The following KALRN variants were observed in gnomAD, a reference collection of about 807,000 sequenced individuals.
KALRN encodes kalirin.
In KALRN, 70 loss-of-function variants were observed where a neutral mutation model predicts 353.7. The ratio of observed to expected loss-of-function variants is 0.20; its 90% CI spans 0.16 to 0.24. The LOEUF is 0.24. Ranked by LOEUF, KALRN falls within the 10% of genes least tolerant of loss-of-function variation. The pLI is 1.00. For missense variants in KALRN, 2,791 were observed against 3,756.7 expected (o/e 0.74, Z 6.72); for synonymous variants, 1,391 against 1,434.8 (o/e 0.97, Z 0.69).
At chr3:124,104,151 G>C (rs759497949) in intron 1 of KALRN, among the ~76,000 whole-genome samples, 1 of 152,150 alleles carries the variant, frequency 6.6e-6, no homozygotes, top group Non-Finnish European at 1.5e-5. Context: ...ACTCTTTCAT[G>C]TTAAGTTGCT....
At chr3:124,520,855 A>T (rs1206248448) in intron 33 of KALRN, among the ~76,000 whole-genome samples, 1 of 152,220 alleles carries the variant, frequency 6.6e-6, no homozygotes, top group African/African-American at 2.4e-5. Context: ...AGAGGCAGGT[A>T]GTACTTTGTT....
chr3:124,381,709 T>A (rs969642543), intron 10 of KALRN, among the ~76,000 whole-genome samples: 1 of 152,180 alleles, frequency 6.6e-6, no homozygotes, highest in African/African-American at 2.4e-5. Flanking sequence ...GGCCTACTCA[T>A]TTGTGTCTTG....
chr3:124,696,201 A>G lies in KALRN; in HGVS notation c.7645A>G (p.Ile2549Val). Residue 2549 changes from isoleucine (I) to valine (V), a missense_variant, in exon 54 of 60, where the codon ATA (isoleucine) becomes GTA (valine). Around this residue, in one of 11 missense-constraint regions of KALRN, gnomAD observed 1,065 missense variants for 1,156.4 expected, o/e 0.92. Transcript: ENST00000682506. ...MPQDSGIYTC[I>V]ATNDHGTTST... Reference sequence around the variant, plus strand: ...CCAAGACAGTGGGATTTATACCTGCATAGCAACAAATGACCACGGGACCAC... The same window carrying G: ...CCAAGACAGTGGGATTTATACCTGCGTAGCAACAAATGACCACGGGACCAC... 1 of 1,614,036 alleles carries G rather than the reference A, an allele frequency of 6.2e-7. No individual in the cohort carries two copies.
chr3:124,586,522 T>C (rs1323834500), intron 34 of KALRN, among the ~76,000 whole-genome samples: 10 of 152,194 alleles, frequency 6.6e-5, no homozygotes. Flanking sequence ...CTCGCTGTGA[T>C]GCAGGGGAGG....
chr3:124,273,070 C>T (rs190291799), intron 5 of KALRN, among the ~76,000 whole-genome samples: 7 of 152,316 alleles, frequency 4.6e-5, no homozygotes, highest in East Asian at 1.9e-4. Flanking sequence ...AAGAGGTGGG[C>T]GCAGTCTCGC....
intron 3 of KALRN, among the ~76,000 whole-genome samples, chr3:124,259,856 G>C (rs190430574): frequency 6.6e-6 from 1 of 152,254 alleles, no homozygotes; most frequent in East Asian, 1.9e-4. Context: ...GGTTTAAATA[G>C]GGTTGTCCAT....
At chr3:124,198,009 G>GT (rs1199510763) in intron 1 of KALRN, among the ~76,000 whole-genome samples, 1 of 152,136 alleles carries the variant, frequency 6.6e-6, no homozygotes, top group African/African-American at 2.4e-5. Context: ...TCCAGGCACT[G>GT]TATGATTTTT....
At chr3:124,643,133 G>A (rs1410880855) in intron 37 of KALRN, among the ~76,000 whole-genome samples, 1 of 151,954 alleles carries the variant, frequency 6.6e-6, no homozygotes, top group Non-Finnish European at 1.5e-5. Flanking sequence ...TGAGGTTCTT[G>A]TAAGAAGGTA....
intron 19 of KALRN, among the ~76,000 whole-genome samples, chr3:124,444,924 A>G (rs796178232): frequency 1.3e-5 from 2 of 152,330 alleles, no homozygotes; most frequent in South Asian, 4.1e-4. Context: ...GGAGGTGAGA[A>G]TGAAGGAGTA....
chr3:124,071,003 G>A (rs1426351801), intron 1 of KALRN, among the ~76,000 whole-genome samples: 2 of 145,794 alleles, frequency 1.4e-5, no homozygotes, highest in African/African-American at 5.0e-5. Context: ...TTTTTTTTTT[G>A]TGTGTGTGCT....
At chr3:124,305,198 CT>C (rs1375043088) in intron 6 of KALRN, among the ~76,000 whole-genome samples, 1 of 152,194 alleles carries the variant, frequency 6.6e-6, no homozygotes, top group East Asian at 1.9e-4. Flanking sequence ...CCCAAAGGAA[CT>C]GATTTCATGT....
In KALRN at chr3:124,708,027, A is replaced by C. The variant is rs1461939130; in HGVS notation, c.8076-4908A>C. Among the ~76,000 whole-genome samples, 3 of 152,370 alleles carry C rather than the reference A, an allele frequency of 2.0e-5. No homozygotes were observed. In the East Asian group the frequency reaches 5.8e-4, roughly 29 times the overall value. On this transcript the variant is annotated intron_variant, in intron 57 of 59. Coordinates refer to ENST00000682506, the MANE Select transcript of KALRN (RefSeq NM_001388419.1). ...TCTTTGTGTGGTGCTCACAAGGGGC[A>C]GACCTAAAAGCATAGTAAACACTGA...
At chr3:124,699,315 T>C (rs1024726298) in intron 55 of KALRN, among the ~76,000 whole-genome samples, 1 of 152,180 alleles carries the variant, frequency 6.6e-6, no homozygotes, top group Non-Finnish European at 1.5e-5. Context: ...TTTCTGAGGC[T>C]CAGTTTCTAC....
intron 1 of KALRN, among the ~76,000 whole-genome samples, chr3:124,221,547 G>T (rs1438290260): frequency 2.6e-5 from 4 of 152,202 alleles, no homozygotes; most frequent in African/African-American, 4.8e-5. Flanking sequence ...TCAGCTTGAT[G>T]GGGAGGCCAG....
chr3:124,335,928 T>C (rs957781717), intron 9 of KALRN, among the ~76,000 whole-genome samples: 1 of 152,220 alleles, frequency 6.6e-6, no homozygotes, highest in Non-Finnish European at 1.5e-5. Flanking sequence ...GAGAGCCAAC[T>C]GTACATGTCT....
chr3:124,456,679 G>A lies in KALRN; in HGVS notation c.3805G>A (p.Ala1269Thr), dbSNP rs796691406. 9.3e-6 allele frequency: 15 copies of A among 1,613,116 alleles called. No individual in the cohort carries two copies. Among genetic ancestry groups the A allele is most frequent in the Admixed American group, 1.7e-5 (1 of 59,998 alleles). The change falls in exon 23 of 60, where the codon GCC (alanine) becomes ACC (threonine). Residue 1269 changes from alanine to threonine, a missense_variant. By Grantham distance (58) the Ala-to-Thr change is moderately conservative. Coordinates refer to ENST00000682506, the MANE Select transcript of KALRN (RefSeq NM_001388419.1). ...LSDREVKLRD[A>T]NHEVNEEKRK... ...GGATCGGGAGGTCAAGCTGCGGGAC[G>A]CCAACCACGAAGTCAATGAAGAGAA...
chr3:124,151,663 TATG>T (rs56981077), intron 1 of KALRN, among the ~76,000 whole-genome samples: 42,587 of 151,998 alleles, frequency 0.28, 6,428 homozygotes, highest in East Asian at 0.46. Context: ...TTACACTCCT[TATG>T]ATGCATTTTC....
chr3:124,286,162 G>T (rs9870197), intron 5 of KALRN, among the ~76,000 whole-genome samples: 57 of 121,242 alleles, frequency 4.7e-4, no homozygotes, highest in East Asian at 8.9e-4. Flanking sequence ...CCTTTCTTTC[G>T]TCTTTCTTTC....
intron 10 of KALRN, among the ~76,000 whole-genome samples, chr3:124,375,476 A>T (rs1034363462): frequency 6.6e-6 from 1 of 152,142 alleles, no homozygotes; most frequent in Non-Finnish European, 1.5e-5. Context: ...TCTGCCTTCC[A>T]CAGCTCCCCA....
Sources: allele counts gnomAD v4.1 joint callset (sites outside exome capture counted in the v4.1 genomes callset), GRCh38; gene constraint gnomAD v4.1.1; regional missense constraint gnomAD v4.1.1; transcripts MANE v1.5; gene names NCBI Gene and HGNC (gene_info 2026-07-23, HGNC 2026-07-21).